The following ARSG variants were observed in gnomAD, a reference collection of about 807,000 sequenced individuals.
The protein encoded by ARSG is arylsulfatase G.
Under a neutral mutation model 50.5 loss-of-function variants are expected in ARSG, and 37 were observed. The observed-to-expected ratio is 0.73, with a 90% CI of 0.56 to 0.96. The LOEUF (loss-of-function observed/expected upper bound fraction) is 0.96, where lower values mean the gene tolerates loss of function less well. Ranked by LOEUF, ARSG falls within the 50% of genes least tolerant of loss-of-function variation. ARSG has a pLI of 0.00. For missense variants in ARSG, 629 were observed against 675.3 expected (o/e 0.93, Z 0.76); for synonymous variants, 225 against 254.6 (o/e 0.88, Z 1.11).
At position 68,311,800 on chromosome 17, in the gene ARSG, CT is replaced by C. The variant is rs36097952; in HGVS notation, c.218+4109del. Among the ~76,000 whole-genome samples, 577 of 116,370 alleles carry C rather than the reference CT, an allele frequency of 5.0e-3. 2 individuals are homozygous for C. The highest frequency in any genetic ancestry group is 0.016 in the African/African-American group (480 of 30,660). The allele number at this position is 116,370 out of a possible 152,430, so 76.3% of individuals were successfully genotyped here. On this transcript the variant is annotated intron_variant, in intron 2 of 11. Coordinates refer to ENST00000621439, the MANE Select transcript of ARSG (RefSeq NM_001267727.2). ...CAGACTTTTAGCCTCCTGTACTGTA[CT>C]TTTTTTTTTTTTTTTTTTTGACGGA...
chr17:68,335,185 C>T (rs373541200), intron 2 of ARSG, among the ~76,000 whole-genome samples: 4 of 151,920 alleles, frequency 2.6e-5, no homozygotes, highest in Non-Finnish European at 4.4e-5. Context: ...TTTGTAGAGA[C>T]GGGAGTCTCC....
In ARSG at chr17:68,384,927, T is replaced by C. The variant is rs777720043; in HGVS notation, c.983-137T>C. 61 of 647,580 alleles carry C rather than the reference T, an allele frequency of 9.4e-5. 1 individual carries two copies. Among genetic ancestry groups the C allele is most frequent in the Non-Finnish European group, 1.6e-4 (58 of 365,780 alleles). The allele number at this position is 647,580 out of a possible 1,614,324, so 40.1% of individuals were successfully genotyped here. ...ATACTAGCTAGTTGAGGGAAATAGC[T>C]GGTTACCAAAAAAGTCATTCCTTTG... On this transcript the variant is annotated intron_variant, in intron 8 of 11. Transcript: ENST00000621439.
chr17:68,432,166 TGAAGGAGCGA>T, the ARSG span, among the ~76,000 whole-genome samples: 1 of 152,012 alleles, frequency 6.6e-6, no homozygotes, highest in Non-Finnish European at 1.5e-5. Context: ...TCTGGAAAGA[TGAAGGAGCGA>T]GAAGGGAGCC....
intron 6 of ARSG, among the ~76,000 whole-genome samples, chr17:68,365,759 A>G (rs1228493789): frequency 1.3e-5 from 2 of 152,114 alleles, no homozygotes; most frequent in African/African-American, 2.4e-5. Context: ...AGCTATGGAG[A>G]TGTCACCGAA....
At chr17:68,380,915 A>G (rs185627788) in intron 8 of ARSG, among the ~76,000 whole-genome samples, 4 of 152,178 alleles carry the variant, frequency 2.6e-5, no homozygotes, top group Admixed American at 2.6e-4. Flanking sequence ...GCCTGCCCCC[A>G]AAGGCATCAT....
intron 11 of ARSG, among the ~76,000 whole-genome samples, chr17:68,408,582 C>T (rs1209602511): frequency 3.9e-5 from 6 of 152,076 alleles, no homozygotes. Context: ...CTGCAATAAA[C>T]ATACGTGTGC....
At chr17:68,272,661 G>A (rs146275184) in intron 1 of ARSG, 25 of 1,613,994 alleles carry the variant, frequency 1.5e-5, no homozygotes, top group African/African-American at 1.5e-4. Context: ...CAAACACAGC[G>A]AAACATTCTC....
At chr17:68,401,755 G>A (rs879473292) in intron 11 of ARSG, among the ~76,000 whole-genome samples, 2 of 152,172 alleles carry the variant, frequency 1.3e-5, no homozygotes, top group African/African-American at 2.4e-5. Flanking sequence ...ATGCCAGTTT[G>A]GATGAACATT....
At chr17:68,282,553 C>G (rs1219783077) in intron 1 of ARSG, among the ~76,000 whole-genome samples, 5 of 151,286 alleles carry the variant, frequency 3.3e-5, no homozygotes, top group African/African-American at 1.2e-4. Context: ...AATCCCAGCA[C>G]TTTGGGAAAC....
At position 68,420,717 on chromosome 17, in the gene ARSG, C is replaced by T. The variant is rs931259840; in HGVS notation, c.*254C>T. On this transcript the variant is annotated 3_prime_UTR_variant, in exon 12 of 12. Coordinates refer to ENST00000621439, the MANE Select transcript of ARSG (RefSeq NM_001267727.2). ...CGGGCTTTGGAGTCAGGCACAGGTGCCAGCTCCAGCTTTTGAACTTGGGCA... is the reference window on the plus strand; with the variant it reads ...CGGGCTTTGGAGTCAGGCACAGGTGTCAGCTCCAGCTTTTGAACTTGGGCA... The T allele has an allele frequency of 6.8e-5, 34 of 496,574 alleles. No individual in the cohort carries two copies. The highest frequency in any genetic ancestry group is 5.2e-4 in the Middle Eastern group (1 of 1,932). 30.8% of individuals were successfully genotyped at this position (496,574 alleles called of 1,614,324 possible).
chr17:68,439,803 G>A, the ARSG span, among the ~76,000 whole-genome samples: 1 of 152,146 alleles, frequency 6.6e-6, no homozygotes, highest in East Asian at 1.9e-4. Flanking sequence ...TGAAATGAAG[G>A]CTACCGTGAT....
intron 1 of ARSG, among the ~76,000 whole-genome samples, chr17:68,273,560 A>T (rs1261609680): frequency 6.6e-6 from 1 of 152,150 alleles, no homozygotes; most frequent in Non-Finnish European, 1.5e-5. Context: ...GGCCCCCAAG[A>T]ATAAGTCTGG....
rs574376491 is a variant in ARSG at position 68,401,693 on chromosome 17, G to A, written c.1303+243G>A. On this transcript the variant is annotated intron_variant, in intron 11 of 11. Transcript: ENST00000621439. ...CTAGTGAGCTGGGAGCTCTCAGCAC[G>A]TTTATTCAGCTCCTTTTCACATAGA... Among the ~76,000 whole-genome samples the A allele has an allele frequency of 1.2e-4, 18 of 152,320 alleles. 1 individual carries two copies. The East Asian group carries it at 1.5e-3, about 13-fold the overall frequency.
At chr17:68,323,476 C>G (rs1229618388) in intron 2 of ARSG, among the ~76,000 whole-genome samples, 2 of 152,024 alleles carry the variant, frequency 1.3e-5, no homozygotes, top group Non-Finnish European at 2.9e-5. Context: ...TTTTGAACTC[C>G]TGGGCTCAAG....
At chr17:68,290,272 C>A (rs2075941264), upstream of ARSG, among the ~76,000 whole-genome samples, 1 of 152,200 alleles carries the variant, frequency 6.6e-6, no homozygotes, top group South Asian at 2.1e-4. Flanking sequence ...TGTTTGGTGA[C>A]ATTTTATATA....
At chr17:68,302,423 G>A (rs1355994942) in intron 1 of ARSG, among the ~76,000 whole-genome samples, 1 of 152,160 alleles carries the variant, frequency 6.6e-6, no homozygotes, top group Non-Finnish European at 1.5e-5. Flanking sequence ...AGGTTCTCTA[G>A]GAGGATGCTT....
At chr17:68,401,246 C>G in intron 10 of ARSG, 114 bp from the exon 11 acceptor site, 1 of 911,824 alleles carries the variant, frequency 1.1e-6, no homozygotes, top group South Asian at 1.5e-5. Flanking sequence ...TGGTTTCAAA[C>G]TCCTGGGCTC....
In ARSG at chr17:68,378,134, G is replaced by T. The variant is rs2080242098; in HGVS notation, c.983-6930G>T. On this transcript the variant is annotated intron_variant, in intron 8 of 11. Coordinates refer to ENST00000621439, the MANE Select transcript of ARSG (RefSeq NM_001267727.2). This position sits in a 1 kb window ranked among gnomAD's most constrained non-coding sequence, Gnocchi z 4.4. ...GTGGCCATGTCCTGTGAGTCAAGGG[G>T]GCTGGGGTCCCTCTGGTCACCTGCT... Among the ~76,000 whole-genome samples, 1 of 152,202 alleles carries T rather than the reference G, an allele frequency of 6.6e-6. No homozygotes were observed. The highest frequency in any genetic ancestry group is 1.5e-5 in the Non-Finnish European group (1 of 68,040).
intron 11 of ARSG, among the ~76,000 whole-genome samples, chr17:68,409,221 C>T (rs1286659469): frequency 2.4e-5 from 3 of 126,616 alleles, no homozygotes; most frequent in East Asian, 4.7e-4. Flanking sequence ...AATGGTAATG[C>T]CTAGGTTTTC....
Sources: gnomAD v4.1 joint callset for allele counts (sites outside exome capture counted in the v4.1 genomes callset) on GRCh38, gnomAD v4.1.1 for gene constraint, Gnocchi (gnomAD v3.1) non-coding constraint, MANE v1.5 for transcripts, NCBI Gene and HGNC (gene_info 2026-07-23, HGNC 2026-07-21) for gene names.